EBAG9: variants seen among roughly 807,000 people sequenced by gnomAD.
EBAG9 encodes estrogen receptor binding site associated antigen 9.
A neutral mutation model predicts 30.9 loss-of-function variants in EBAG9; 16 were observed. That is an observed-to-expected ratio of 0.52 (90% CI 0.35 to 0.79). EBAG9 has a LOEUF of 0.79. EBAG9 is among the 30% of genes least tolerant of loss of function. EBAG9 has a pLI of 0.01. For missense variants in EBAG9, 197 were observed against 242.1 expected (o/e 0.81, Z 1.24); for synonymous variants, 93 against 82.8 (o/e 1.12, Z -0.67).
chr8:109,559,497 C>T (rs1337472227), intron 5 of EBAG9, among the ~76,000 whole-genome samples: 1 of 152,042 alleles, frequency 6.6e-6, no homozygotes, highest in Non-Finnish European at 1.5e-5. Flanking sequence ...AATTTTAAAT[C>T]TTGTCAAATT....
At position 109,564,802 on chromosome 8, in the gene EBAG9, T is replaced by C. The variant is rs1001098358; in HGVS notation, c.*243T>C. On this transcript the variant is annotated 3_prime_UTR_variant, in exon 7 of 7. Transcript: ENST00000337573. ...CATGCTCCAAATATAAGACATTTGT[T>C]TGCTGTACAGAAAGTATCACAAATG... 7 of 376,324 alleles carry C rather than the reference T, an allele frequency of 1.9e-5. No homozygotes were observed. The highest frequency in any genetic ancestry group is 3.3e-5 in the Non-Finnish European group (7 of 209,414). The allele number at this position is 376,324 out of a possible 1,614,324, so 23.3% of individuals were successfully genotyped here.
chr8:109,546,749 G>A lies in EBAG9; in HGVS notation c.-15-4061G>A, dbSNP rs537915257. Among the ~76,000 whole-genome samples, 18 of 152,230 alleles carry A rather than the reference G, an allele frequency of 1.2e-4. No homozygotes were observed. The South Asian group carries it at 3.1e-3, about 26-fold the overall frequency. ...CAAAAGATTGGACACCCCTGTTCTAGAGCTTAAAAAATACTATATATGGAA... is the reference window on the plus strand; with the variant it reads ...CAAAAGATTGGACACCCCTGTTCTAAAGCTTAAAAAATACTATATATGGAA... On this transcript the variant is annotated intron_variant, in intron 1 of 6. Transcript: ENST00000337573.
Position 109,550,860 on chromosome 8 carries a change from T to C in EBAG9, c.36T>C (p.Cys12=). 6.2e-7 allele frequency: 1 copy of C among 1,602,780 alleles called. No homozygotes were observed. Among genetic ancestry groups the C allele is most frequent in the South Asian group, 1.1e-5 (1 of 89,562 alleles). ...CCCAGTTTCGGTTATTTAAATTTTG[T>C]ACCTGCCTAGCAACAGTATTCTCAT... The part of the protein sequence containing the change: ...AITQFRLFKF[C]TCLATVFSFL... Residue 12 remains cysteine, a synonymous_variant, in exon 2 of 7, where the codon TGT becomes TGC. Coordinates refer to ENST00000337573, the MANE Select transcript of EBAG9 (RefSeq NM_004215.5).
At chr8:109,560,409 C>T (rs1454042262) in intron 5 of EBAG9, among the ~76,000 whole-genome samples, 2 of 152,158 alleles carry the variant, frequency 1.3e-5, no homozygotes, top group Admixed American at 6.6e-5. Context: ...AACTTCAGCT[C>T]GCAGTTCTTC....
chr8:109,561,041 G>T, intron 6 of EBAG9, 112 bp downstream of exon 6: 3 of 818,466 alleles, frequency 3.7e-6, no homozygotes, highest in South Asian at 2.0e-5. Context: ...TTCTTCATTT[G>T]ATCCTTAGAT....
intron 6 of EBAG9, chr8:109,563,595 A>C: frequency 6.9e-7 from 1 of 1,457,702 alleles, no homozygotes; most frequent in Non-Finnish European, 9.2e-7. Context: ...TTTTTTTTTA[A>C]ACTTAAGTTC....
intron 1 of EBAG9, among the ~76,000 whole-genome samples, chr8:109,544,308 A>G (rs1821340465): frequency 6.7e-6 from 1 of 149,214 alleles, no homozygotes; most frequent in African/African-American, 2.4e-5. Context: ...TTATTCTGGG[A>G]AAAAAAACTA....
At chr8:109,552,873 A>T (rs1299636693) in intron 2 of EBAG9, among the ~76,000 whole-genome samples, 4 of 152,158 alleles carry the variant, frequency 2.6e-5, no homozygotes, top group Non-Finnish European at 2.9e-5. Flanking sequence ...AGGGGGTAGG[A>T]TAGCTTGAGG....
At chr8:109,547,305 A>G (rs905122376) in intron 1 of EBAG9, among the ~76,000 whole-genome samples, 3 of 152,180 alleles carry the variant, frequency 2.0e-5, no homozygotes, top group East Asian at 1.9e-4. Context: ...TCCCACCACC[A>G]AAGTGTGAGC....
chr8:109,556,689 G>A lies in EBAG9; in HGVS notation c.322-246G>A, dbSNP rs1821604293. 2.6e-5 allele frequency among the ~76,000 whole-genome samples: 4 copies of A among 152,166 alleles called. No individual in the cohort carries two copies. In the South Asian group the frequency reaches 8.3e-4, roughly 32 times the overall value. On this transcript the variant is annotated intron_variant, in intron 4 of 6. Coordinates refer to ENST00000337573, the MANE Select transcript of EBAG9 (RefSeq NM_004215.5). ...GATTATATTTTGAGGTCTGGGGAAA[G>A]TAGGATAGAAAGAAAGAAAATGGGC...
chr8:109,560,049 A>G (rs1415122900), intron 5 of EBAG9, among the ~76,000 whole-genome samples: 9 of 152,204 alleles, frequency 5.9e-5, no homozygotes, highest in African/African-American at 1.4e-4. Context: ...TTTAGGGGTA[A>G]GTATTTAAAA....
At chr8:109,563,712 T>A (rs7813648) in intron 6 of EBAG9, among the ~76,000 whole-genome samples, 18,727 of 151,934 alleles carry the variant, frequency 0.12, 1,283 homozygotes, top group South Asian at 0.28. Flanking sequence ...TAGTATCCAT[T>A]AGTTATTTTT....
chr8:109,548,887 C>CTTTTTTTTTT (rs548152043), intron 1 of EBAG9, among the ~76,000 whole-genome samples: 4 of 125,112 alleles, frequency 3.2e-5, no homozygotes, highest in Non-Finnish European at 5.1e-5. Context: ...TTTCTTTTTT[C>CTTTTTTTTTT]TTTTTTTTTT....
At chr8:109,557,068 A>AG in intron 5 of EBAG9, 26 bp downstream of exon 5, 1 of 1,440,024 alleles carries the variant, frequency 6.9e-7, no homozygotes. Flanking sequence ...GTTCTAGGGA[A>AG]GGGTTTTGTT....
At chr8:109,556,877 A>C in intron 4 of EBAG9, 58 bp from the exon 5 acceptor site, 1 of 882,642 alleles carries the variant, frequency 1.1e-6, no homozygotes. Context: ...TTGGTTGTCT[A>C]TTTTTATGTA....
chr8:109,541,064 A>G (rs1821264453), intron 1 of EBAG9, among the ~76,000 whole-genome samples: 1 of 152,072 alleles, frequency 6.6e-6, no homozygotes, highest in Non-Finnish European at 1.5e-5. Context: ...TTTTCCGTTA[A>G]CATGGCAGAG....
intron 1 of EBAG9, among the ~76,000 whole-genome samples, chr8:109,548,610 C>G (rs1014383763): frequency 6.6e-6 from 1 of 152,068 alleles, no homozygotes; most frequent in African/African-American, 2.4e-5. Context: ...TATTCTGTCT[C>G]TGAAAAAGTC....
chr8:109,559,219 G>T (rs941574288), intron 5 of EBAG9, among the ~76,000 whole-genome samples: 10 of 152,112 alleles, frequency 6.6e-5, no homozygotes, highest in Admixed American at 2.0e-4. Flanking sequence ...CACTTTGGGA[G>T]GCCAAGGCGG....
intron 4 of EBAG9, among the ~76,000 whole-genome samples, chr8:109,556,103 C>G (rs1821591993): frequency 6.6e-6 from 1 of 152,062 alleles, no homozygotes. Flanking sequence ...ACTAATCACT[C>G]TGCTATATCA....
Sources: gnomAD v4.1 joint callset for allele counts (sites outside exome capture counted in the v4.1 genomes callset) on GRCh38, gnomAD v4.1.1 for gene constraint, MANE v1.5 for transcripts, NCBI Gene and HGNC (gene_info 2026-07-23, HGNC 2026-07-21) for gene names.